CAMKV: variants seen among roughly 807,000 people sequenced by gnomAD.
CAMKV encodes caM kinase-like vesicle-associated protein.
In CAMKV, 5 loss-of-function variants were observed where a neutral mutation model predicts 50.2. That is an observed-to-expected ratio of 0.10 (90% CI 0.05 to 0.21). The LOEUF is 0.21. Among genes scored for constraint, CAMKV ranks in the 10% least tolerant of loss-of-function variants. The probability of loss-of-function intolerance (pLI) is 1.00; values close to 1 mark genes in which losing one functional copy is unlikely to be tolerated. For missense variants in CAMKV, 361 were observed against 650.5 expected, an observed-to-expected ratio of 0.55 and a Z score of 4.84; for synonymous variants, 229 against 250.1, an observed-to-expected ratio of 0.92 and a Z score of 0.80.
At position 49,859,272 on chromosome 3, in the gene CAMKV, C is replaced by G; in HGVS notation, c.*46G>C. 1 of 1,465,372 alleles carries G rather than the reference C, an allele frequency of 6.8e-7. No individual in the cohort carries two copies. Among genetic ancestry groups the G allele is most frequent in the Non-Finnish European group, 9.1e-7 (1 of 1,098,214 alleles). 90.8% of individuals were successfully genotyped at this position (1,465,372 alleles called of 1,614,324 possible). Reference sequence around the variant, plus strand: ...CAGTGAGAAGCCCCTCATCCACTCTCCCACCCTCCTGCCCATCCCCTGCCC... The same window carrying G: ...CAGTGAGAAGCCCCTCATCCACTCTGCCACCCTCCTGCCCATCCCCTGCCC... On this transcript the variant is annotated 3_prime_UTR_variant, in exon 11 of 11. Transcript: ENST00000477224. This position sits in a 1 kb window ranked among gnomAD's most constrained non-coding sequence, Gnocchi z 5.5.
rs1176687102 is a variant in CAMKV, at chr3:49,859,221, G to C, written c.*97C>G. 2 of 1,143,466 alleles carry C rather than the reference G, an allele frequency of 1.7e-6. No individual in the cohort carries two copies. Among genetic ancestry groups the C allele is most frequent in the African/African-American group, 3.1e-5 (2 of 64,504 alleles). 70.8% of individuals were successfully genotyped at this position (1,143,466 alleles called of 1,614,324 possible). On this transcript the variant is annotated 3_prime_UTR_variant, in exon 11 of 11. Coordinates refer to ENST00000477224, the MANE Select transcript of CAMKV (RefSeq NM_024046.5). This position sits in a 1 kb window ranked among gnomAD's most constrained non-coding sequence, Gnocchi z 5.5. ...GGGATGTGGGGGCATGGGGGAGCGA[G>C]GGCATCATGCCAGTGACTCTATGTA...
At chr3:49,865,791 C>G (rs1315441112) in intron 1 of CAMKV, among the ~76,000 whole-genome samples, 1 of 152,250 alleles carries the variant, frequency 6.6e-6, no homozygotes, top group African/African-American at 2.4e-5. Context: ...TCTGAGATAC[C>G]TTCCACAACC....
At position 49,859,288 on chromosome 3, in the gene CAMKV, T is replaced by C. The variant is rs1312693832; in HGVS notation, c.*30A>G. The stretch of plus-strand genomic sequence containing the variant: ...ATCCACTCTCCCACCCTCCTGCCCA[T>C]CCCCTGCCCCCCCTCACCAGGCTGC... On this transcript the variant is annotated 3_prime_UTR_variant, in exon 11 of 11. Transcript: ENST00000477224. The surrounding 1 kb of genome is among the most constrained non-coding windows in gnomAD (Gnocchi z 5.5). 2.4e-6 allele frequency: 3 copies of C among 1,243,682 alleles called. No individual in the cohort carries two copies. Among genetic ancestry groups the C allele is most frequent in the Non-Finnish European group, 3.4e-6 (3 of 894,076 alleles). The allele number at this position is 1,243,682 out of a possible 1,614,324, so 77.0% of individuals were successfully genotyped here.
Position 49,859,721 on chromosome 3 carries a change from C to A in CAMKV, c.1103G>T (p.Gly368Val), listed in dbSNP as rs2108328153. ...ACTCTTTGCAGCACGAGCAGCATCA[C>A]CCTCAGGGGCTGAGGTAGCTCCACT... ...AASGATSAPE[G>V]DAARAAKSDN... The change falls in exon 11 of 11, where the codon GGT becomes GTT. Residue 368 changes from glycine (G) to valine (V), a missense_variant. Physicochemically the swap from Gly to Val is moderately radical, Grantham distance 109. Around this residue, in one of 4 missense-constraint regions of CAMKV, gnomAD observed 87 missense variants for 92.0 expected, o/e 0.95. Transcript: ENST00000477224. The surrounding 1 kb of genome is among the most constrained non-coding windows in gnomAD (Gnocchi z 5.5). 3 of 1,600,132 alleles carry A rather than the reference C, an allele frequency of 1.9e-6. No homozygotes were observed. The highest frequency in any genetic ancestry group is 2.6e-6 in the Non-Finnish European group (3 of 1,172,112).
chr3:49,864,743 C>T (rs779460425), intron 1 of CAMKV, among the ~76,000 whole-genome samples: 31 of 152,230 alleles, frequency 2.0e-4, no homozygotes, highest in Admixed American at 4.6e-4. Flanking sequence ...TTAGCACTTG[C>T]TGTGTGCAGG....
At position 49,862,527 on chromosome 3, in the gene CAMKV, G is replaced by T; in HGVS notation, c.-14-125C>A. On this transcript the variant is annotated intron_variant, in intron 1 of 10. Coordinates refer to ENST00000477224, the MANE Select transcript of CAMKV (RefSeq NM_024046.5). The surrounding 1 kb of genome is among the most constrained non-coding windows in gnomAD (Gnocchi z 5.2). ...AGGGGCAGAGACCATACCAGGAGGG[G>T]CTAGAGGATAGGCAGGCTTAGATCC... The T allele has an allele frequency of 1.3e-6, 1 of 775,132 alleles. No homozygotes were observed. Among genetic ancestry groups the T allele is most frequent in the Non-Finnish European group, 2.2e-6 (1 of 454,712 alleles). The allele number at this position is 775,132 out of a possible 1,614,324, so 48.0% of individuals were successfully genotyped here.
chr3:49,863,817 C>A (rs1474194084), intron 1 of CAMKV, among the ~76,000 whole-genome samples: 1 of 151,890 alleles, frequency 6.6e-6, no homozygotes, highest in Non-Finnish European at 1.5e-5. Context: ...ACCACCACAA[C>A]TGGCTAATTT....
Position 49,858,690 on chromosome 3 carries a change from C to T in CAMKV, c.*628G>A. ...AAGGACAAAAATGGAAGCTTCTGCC[C>T]TCCTACTCATTCTCTCCACTCCTGA... On this transcript the variant is annotated 3_prime_UTR_variant, in exon 11 of 11. Transcript: ENST00000477224. 1 of 233,596 alleles carries T rather than the reference C, an allele frequency of 4.3e-6. No individual in the cohort carries two copies. The highest frequency in any genetic ancestry group is 8.2e-6 in the Non-Finnish European group (1 of 121,958). 14.5% of individuals were successfully genotyped at this position (233,596 alleles called of 1,614,324 possible). A position where few individuals can be genotyped will look rare whatever the true frequency, so the allele number is the denominator to read the frequency against.
rs1454484928 is a variant in CAMKV at position 49,869,479 on chromosome 3, G to C, written c.-15+279C>G. On this transcript the variant is annotated intron_variant, in intron 1 of 10. Coordinates refer to ENST00000477224, the MANE Select transcript of CAMKV (RefSeq NM_024046.5). The surrounding 1 kb of genome is among the most constrained non-coding windows in gnomAD (Gnocchi z 5.2). ...CAGCTCTCGGCCCCTATCCTCACGG[G>C]GGACCACGAATCTTCGAGGGTTAAT... Among the ~76,000 whole-genome samples, 1 of 152,208 alleles carries C rather than the reference G, an allele frequency of 6.6e-6. No individual in the cohort carries two copies. The highest frequency in any genetic ancestry group is 1.5e-5 in the Non-Finnish European group (1 of 68,030).
chr3:49,868,440 G>A (rs1426968311), intron 1 of CAMKV, among the ~76,000 whole-genome samples: 1 of 152,170 alleles, frequency 6.6e-6, no homozygotes, highest in Non-Finnish European at 1.5e-5. Flanking sequence ...ACCTCCCCAT[G>A]CCTCAGTTTC....
Position 49,861,141 on chromosome 3 carries a change from C to A in CAMKV, c.562+39G>T. On this transcript the variant is annotated intron_variant, in intron 6 of 10. Transcript: ENST00000477224. This position sits in a 1 kb window ranked among gnomAD's most constrained non-coding sequence, Gnocchi z 7.7. ...CCAGAGCAGCTCCCTGAAGGCTGCCCCCCATTATCCCCCTGCCCCTGCCCC... is the reference window on the plus strand; with the variant it reads ...CCAGAGCAGCTCCCTGAAGGCTGCCACCCATTATCCCCCTGCCCCTGCCCC... The A allele has an allele frequency of 6.3e-7, 1 of 1,583,758 alleles. No individual in the cohort carries two copies. The highest frequency in any genetic ancestry group is 1.1e-5 in the South Asian group (1 of 87,456).
chr3:49,863,127 A>G (rs933347110), intron 1 of CAMKV, among the ~76,000 whole-genome samples: 1 of 152,256 alleles, frequency 6.6e-6, no homozygotes, highest in Non-Finnish European at 1.5e-5. Context: ...ACACAGTGTT[A>G]AGTGCAAAAA....
At chr3:49,868,119 C>G (rs1575410711) in intron 1 of CAMKV, among the ~76,000 whole-genome samples, 2 of 152,320 alleles carry the variant, frequency 1.3e-5, no homozygotes, top group South Asian at 4.1e-4. Context: ...CAGCCCGTCT[C>G]TCTGCCATCA....
chr3:49,861,070 G>A lies in CAMKV; in HGVS notation c.563-52C>T, dbSNP rs779694976. 1.2e-6 allele frequency: 2 copies of A among 1,611,312 alleles called. No individual in the cohort carries two copies. Among genetic ancestry groups the A allele is most frequent in the East Asian group, 2.2e-5 (1 of 44,830 alleles). On this transcript the variant is annotated intron_variant, in intron 6 of 10. Transcript: ENST00000477224. This position sits in a 1 kb window ranked among gnomAD's most constrained non-coding sequence, Gnocchi z 7.7. ...TCAGTATCAGGCCTAGCCAGGTCCA[G>A]TACCATCCACACCAGCTTCCTGAGA...
At chr3:49,863,296 A>G (rs1296359895) in intron 1 of CAMKV, 2 of 152,274 alleles carry the variant, frequency 1.3e-5, no homozygotes, top group African/African-American at 4.8e-5. Flanking sequence ...AGGAGGGGTT[A>G]TGATTGATTC....
chr3:49,859,433 A>G lies in CAMKV; in HGVS notation c.1391T>C (p.Met464Thr), dbSNP rs1446319423. ...TGGGGCTGTGCTGTCCGGCTGGGCCATAGCCGGCTCAGGGGTGGCAGCTGC... is the reference window on the plus strand; with the variant it reads ...TGGGGCTGTGCTGTCCGGCTGGGCCGTAGCCGGCTCAGGGGTGGCAGCTGC... ...TKAAATPEPA[M>T]AQPDSTAPEG... Residue 464 changes from methionine (M) to threonine (T), a missense_variant, in exon 11 of 11, where the codon ATG becomes ACG. Coordinates refer to ENST00000477224, the MANE Select transcript of CAMKV (RefSeq NM_024046.5). This position sits in a 1 kb window ranked among gnomAD's most constrained non-coding sequence, Gnocchi z 5.5. 6.2e-7 allele frequency: 1 copy of G among 1,613,096 alleles called. No individual in the cohort carries two copies. Among genetic ancestry groups the G allele is most frequent in the Non-Finnish European group, 8.5e-7 (1 of 1,179,398 alleles).
Position 49,859,233 on chromosome 3 carries a change from A to T in CAMKV, c.*85T>A. ...CATGGGGGAGCGAGGGCATCATGCCAGTGACTCTATGTACAGTGAGAAGCC... is the reference window on the plus strand; with the variant it reads ...CATGGGGGAGCGAGGGCATCATGCCTGTGACTCTATGTACAGTGAGAAGCC... On this transcript the variant is annotated 3_prime_UTR_variant, in exon 11 of 11. Coordinates refer to ENST00000477224, the MANE Select transcript of CAMKV (RefSeq NM_024046.5). The surrounding 1 kb of genome is among the most constrained non-coding windows in gnomAD (Gnocchi z 5.5). The T allele has an allele frequency of 8.0e-7, 1 of 1,248,256 alleles. No homozygotes were observed. Among genetic ancestry groups the T allele is most frequent in the Non-Finnish European group, 1.1e-6 (1 of 906,772 alleles). 77.3% of individuals were successfully genotyped at this position (1,248,256 alleles called of 1,614,324 possible).
chr3:49,861,705 GA>G lies in CAMKV; in HGVS notation c.302+85del, dbSNP rs2082022948. The G allele has an allele frequency of 4.4e-6, 7 of 1,595,484 alleles. No individual in the cohort carries two copies. The highest frequency in any genetic ancestry group is 1.1e-5 in the South Asian group (1 of 90,332). On this transcript the variant is annotated intron_variant, in intron 4 of 10. Transcript: ENST00000477224. This position sits in a 1 kb window ranked among gnomAD's most constrained non-coding sequence, Gnocchi z 7.7. ...AGGGACCTGGGACGCCAAGGGTCCA[GA>G]AAGGGGGTTTCCTTAGCTGCAGAGG...
Position 49,858,404 on chromosome 3 carries a change from G to T in CAMKV, c.*914C>A. Reference sequence around the variant, plus strand: ...GCCATGCAGCAAGCCCCCTAGGGTGGAGAGGACTTGTGGGCTGAGATTGTA... The same window carrying T: ...GCCATGCAGCAAGCCCCCTAGGGTGTAGAGGACTTGTGGGCTGAGATTGTA... On this transcript the variant is annotated 3_prime_UTR_variant, in exon 11 of 11. Coordinates refer to ENST00000477224, the MANE Select transcript of CAMKV (RefSeq NM_024046.5). 1 of 398,426 alleles carries T rather than the reference G, an allele frequency of 2.5e-6. No individual in the cohort carries two copies. Among genetic ancestry groups the T allele is most frequent in the South Asian group, 1.3e-4 (1 of 7,784 alleles). The allele number at this position is 398,426 out of a possible 1,614,324, so 24.7% of individuals were successfully genotyped here.
Sources: allele counts gnomAD v4.1 joint callset (sites outside exome capture counted in the v4.1 genomes callset), GRCh38; gene constraint gnomAD v4.1.1; regional missense constraint gnomAD v4.1.1; non-coding constraint Gnocchi (gnomAD v3.1); transcripts MANE v1.5; gene names NCBI Gene and HGNC (gene_info 2026-07-23, HGNC 2026-07-21).